JAKMIP3: variants seen among roughly 807,000 people sequenced by gnomAD.
The protein encoded by JAKMIP3 is Janus kinase and microtubule interacting protein 3, also known as janus kinase and microtubule-interacting protein 3.
A neutral mutation model predicts 118.5 loss-of-function variants in JAKMIP3; 58 were observed. The observed-to-expected ratio is 0.49, with a 90% CI of 0.40 to 0.61. JAKMIP3 has a LOEUF of 0.61. Among genes scored for constraint, JAKMIP3 ranks in the 20% least tolerant of loss-of-function variants. The pLI is 0.00. For synonymous variants in JAKMIP3, 486 were observed against 451.2 expected, an observed-to-expected ratio of 1.08 and a Z score of -0.98; for missense variants, 950 against 1,109.0, an observed-to-expected ratio of 0.86 and a Z score of 2.04.
At chr10:132,143,190 G>C (rs535169273) in intron 11 of JAKMIP3, among the ~76,000 whole-genome samples, 2 of 151,744 alleles carry the variant, frequency 1.3e-5, no homozygotes, top group East Asian at 1.9e-4. Context: ...CCTCAGGCTC[G>C]GAGAGATTTG....
chr10:132,067,800 G>GTGGAC (rs2039080108), intron 1 of JAKMIP3, among the ~76,000 whole-genome samples: 1 of 146,266 alleles, frequency 6.8e-6, no homozygotes, highest in Non-Finnish European at 1.5e-5. Context: ...GGGCTTCCGT[G>GTGGAC]TGGACTGTGG....
chr10:132,053,262 TTTC>T (rs1376407253), intron 1 of JAKMIP3, among the ~76,000 whole-genome samples: 1 of 152,190 alleles, frequency 6.6e-6, no homozygotes, highest in African/African-American at 2.4e-5. Context: ...TCCTTTTCCT[TTTC>T]TTCTTCTGCT....
In JAKMIP3 at chr10:132,066,020, G is replaced by T. The variant is rs2038706746; in HGVS notation, c.-179G>T. On this transcript the variant is annotated 5_prime_UTR_variant, in exon 1 of 24. Transcript: ENST00000684848. ...AGCCGGGAAAGATTCTCACAGTCGA[G>T]CAGAGCGATGGGAGAGAGGAGCAGA... Among the ~76,000 whole-genome samples, 1 of 152,228 alleles carries T rather than the reference G, an allele frequency of 6.6e-6. No homozygotes were observed. The highest frequency in any genetic ancestry group is 2.4e-5 in the African/African-American group (1 of 41,468).
At chr10:132,081,622 G>A (rs540960975) in intron 1 of JAKMIP3, among the ~76,000 whole-genome samples, 4 of 152,086 alleles carry the variant, frequency 2.6e-5, no homozygotes, top group African/African-American at 9.7e-5. Context: ...CGAGGCCTCC[G>A]GTTCTGCCTT....
rs952839642 is a variant in JAKMIP3, at chr10:132,168,502, A to G, written c.*572A>G. The G allele has an allele frequency of 3.6e-5, 28 of 771,272 alleles. No homozygotes were observed. The highest frequency in any genetic ancestry group is 5.1e-5 in the Non-Finnish European group (28 of 549,638). The allele number at this position is 771,272 out of a possible 1,614,324, so 47.8% of individuals were successfully genotyped here. A position where few individuals can be genotyped will look rare whatever the true frequency, so the allele number is the denominator to read the frequency against. On this transcript the variant is annotated 3_prime_UTR_variant, in exon 23 of 24. Coordinates refer to ENST00000684848, the MANE Select transcript of JAKMIP3 (RefSeq NM_001323087.2). ...CCTCAGGGGCCCCTCCGATGCTGCA[A>G]TATGTTGCTGGGGTCCTGAGCACCC...
intron 20 of JAKMIP3, 72 bp from the exon 21 acceptor site, chr10:132,164,598 T>A (rs1382804502): frequency 2.0e-6 from 2 of 1,015,328 alleles, no homozygotes; most frequent in Non-Finnish European, 3.1e-6. Flanking sequence ...AGGAAATGAA[T>A]GAAAATCTTG....
At chr10:132,100,928 G>A (rs1419525958) in intron 1 of JAKMIP3, among the ~76,000 whole-genome samples, 1 of 152,176 alleles carries the variant, frequency 6.6e-6, no homozygotes, top group African/African-American at 2.4e-5. Context: ...GGGTGCCTGA[G>A]CCTTGCCACT....
intron 2 of JAKMIP3, among the ~76,000 whole-genome samples, chr10:132,109,354 T>C (rs56179608): frequency 0.1 from 15,724 of 152,198 alleles, 1,042 homozygotes; most frequent in Admixed American, 0.23. Flanking sequence ...AAAGATTGTG[T>C]GCACACAGAA....
At chr10:132,140,199 C>T (rs2053201703) in intron 9 of JAKMIP3, among the ~76,000 whole-genome samples, 1 of 152,244 alleles carries the variant, frequency 6.6e-6, no homozygotes, top group Non-Finnish European at 1.5e-5. Flanking sequence ...CCTCATTCCC[C>T]ACCACCAAGG....
intron 3 of JAKMIP3, among the ~76,000 whole-genome samples, chr10:132,128,757 A>G (rs1011935248): frequency 1.1e-4 from 17 of 152,286 alleles, no homozygotes; most frequent in African/African-American, 4.1e-4. Context: ...ATAGATCCTA[A>G]TTCTCATTTG....
At chr10:132,152,058 C>T (rs1050704969) in intron 16 of JAKMIP3, among the ~76,000 whole-genome samples, 1 of 152,180 alleles carries the variant, frequency 6.6e-6, no homozygotes, top group Non-Finnish European at 1.5e-5. Flanking sequence ...GTGGCCTGCC[C>T]AGCCCTGCCA....
Position 132,044,149 on chromosome 10 carries a change from G to A in JAKMIP3, c.-138+7411G>A, listed in dbSNP as rs536228937. Among the ~76,000 whole-genome samples, 1 of 152,198 alleles carries A rather than the reference G, an allele frequency of 6.6e-6. No homozygotes were observed. The highest frequency in any genetic ancestry group is 6.5e-5 in the Admixed American group (1 of 15,290). ...CCCTGGGACCAGCCCGATGCCTGGT[G>A]GGGGGGCTTCTCTGGGCCCTCAGCT... On this transcript the variant is annotated intron_variant, in intron 1 of 23. Transcript: ENST00000657785. The surrounding 1 kb of genome is among the most constrained non-coding windows in gnomAD (Gnocchi z 5.3).
chr10:132,074,532 GT>G (rs528860941), intron 1 of JAKMIP3, among the ~76,000 whole-genome samples: 4 of 152,012 alleles, frequency 2.6e-5, no homozygotes, highest in Non-Finnish European at 5.9e-5. Context: ...TTTTTAATGG[GT>G]TTTTTTCTGG....
At position 132,049,391 on chromosome 10, in the gene JAKMIP3, C is replaced by G. The variant is rs2038034875; in HGVS notation, c.-138+12653C>G. Among the ~76,000 whole-genome samples the G allele has an allele frequency of 6.6e-6, 1 of 152,068 alleles. No individual in the cohort carries two copies. Among genetic ancestry groups the G allele is most frequent in the Admixed American group, 6.6e-5 (1 of 15,264 alleles). ...TTTTCTCTTTATGTCATTTTATTTT[C>G]TTGTTTCTCCCCTTGCCTATTCTTC... On this transcript the variant is annotated intron_variant, in intron 1 of 23. Transcript: ENST00000657785. This position sits in a 1 kb window ranked among gnomAD's most constrained non-coding sequence, Gnocchi z 4.3.
At chr10:132,140,343 G>T (rs998696199) in intron 9 of JAKMIP3, 108 bp from the exon 10 acceptor site, 10 of 1,475,420 alleles carry the variant, frequency 6.8e-6, no homozygotes, top group African/African-American at 2.8e-5. Context: ...GGAGTGTGTC[G>T]CAGGGTGGGG....
intron 1 of JAKMIP3, among the ~76,000 whole-genome samples, chr10:132,092,136 A>G (rs1322656456): frequency 1.3e-5 from 2 of 150,070 alleles, no homozygotes. Flanking sequence ...CGAGAGATCC[A>G]CTGTTAGTCT....
intron 1 of JAKMIP3, among the ~76,000 whole-genome samples, chr10:132,076,150 CA>C (rs2040749643): frequency 6.6e-6 from 1 of 152,186 alleles, no homozygotes; most frequent in Non-Finnish European, 1.5e-5. Context: ...AACCCTTGAG[CA>C]GTCACTCCCC....
In JAKMIP3 at chr10:132,141,432, G is replaced by A. The variant is rs11146209; in HGVS notation, c.1474-488G>A. 9.8e-5 allele frequency among the ~76,000 whole-genome samples: 15 copies of A among 152,288 alleles called. No homozygotes were observed. The East Asian group carries it at 2.7e-3, about 27-fold the overall frequency. On this transcript the variant is annotated intron_variant, in intron 10 of 23. Coordinates refer to ENST00000684848, the MANE Select transcript of JAKMIP3 (RefSeq NM_001323087.2). ...GACGGGGGGCACTGCAGCTAGCAGG[G>A]TGAGCCTGCAAGAGTGCACCTGGGA...
At chr10:132,143,029 G>T (rs182050316) in intron 11 of JAKMIP3, among the ~76,000 whole-genome samples, 1 of 152,100 alleles carries the variant, frequency 6.6e-6, no homozygotes, top group African/African-American at 2.4e-5. Context: ...CACCCAGACC[G>T]CCCTGGTGAC....
Sources: allele counts gnomAD v4.1 joint callset (sites outside exome capture counted in the v4.1 genomes callset), GRCh38; gene constraint gnomAD v4.1.1; non-coding constraint Gnocchi (gnomAD v3.1); transcripts MANE v1.5; gene names NCBI Gene and HGNC (gene_info 2026-07-23, HGNC 2026-07-21).